LPP: variants seen among roughly 807,000 people sequenced by gnomAD.
LPP encodes the protein LIM domain containing preferred translocation partner in lipoma, also known as lipoma-preferred partner.
In LPP, 38 loss-of-function variants were observed where a neutral mutation model predicts 60.4. The ratio of observed to expected loss-of-function variants is 0.63; its 90% confidence interval spans 0.49 to 0.83. The LOEUF is 0.83. Among genes scored for constraint, LPP ranks in the 40% least tolerant of loss-of-function variants. The probability of loss-of-function intolerance (pLI) is 0.00; values close to 1 mark genes in which losing one functional copy is unlikely to be tolerated. For synonymous variants in LPP, 328 were observed against 290.8 expected (o/e 1.13, Z -1.30); for missense variants, 902 against 783.6 (o/e 1.15, Z -1.80).
chr3:188,790,820 C>CT (rs1743448590), intron 9 of LPP, among the ~76,000 whole-genome samples: 1 of 65,412 alleles, frequency 1.5e-5, no homozygotes, highest in East Asian at 1.4e-3. Context: ...GACTCTGTCT[C>CT]CAAAAAAAAA....
intron 5 of LPP, among the ~76,000 whole-genome samples, chr3:188,507,517 A>C (rs1288060413): frequency 6.6e-6 from 1 of 152,108 alleles, no homozygotes; most frequent in African/African-American, 2.4e-5. Context: ...AAATCACATA[A>C]GTTTCCCGTT....
chr3:188,850,456 C>A lies in LPP; in HGVS notation c.1411-15744C>A, dbSNP rs114132911. 9.1e-3 allele frequency among the ~76,000 whole-genome samples: 1,379 copies of A among 152,116 alleles called. 18 individuals are homozygous for A. The highest frequency in any genetic ancestry group is 0.032 in the African/African-American group (1,312 of 41,496). On this transcript the variant is annotated intron_variant, in intron 9 of 11. Transcript: ENST00000617246. ...GAAATATATTAATATTTAGAAAATT[C>A]TTCCAACATTATTAATATATAGAAA...
chr3:188,265,980 G>A (rs1442773765), intron 2 of LPP, among the ~76,000 whole-genome samples: 1 of 152,018 alleles, frequency 6.6e-6, no homozygotes, highest in African/African-American at 2.4e-5. Flanking sequence ...TGGGGAGTGT[G>A]CATTGCCTGT....
intron 2 of LPP, among the ~76,000 whole-genome samples, chr3:188,252,487 T>C (rs1346249111): frequency 6.6e-6 from 1 of 151,920 alleles, no homozygotes; most frequent in African/African-American, 2.4e-5. Flanking sequence ...GATATATTCT[T>C]AGAAATGGGT....
chr3:188,421,353 A>C (rs946042414), intron 4 of LPP, among the ~76,000 whole-genome samples: 1 of 152,176 alleles, frequency 6.6e-6, no homozygotes, highest in Non-Finnish European at 1.5e-5. Context: ...CATACACAGG[A>C]ATGGAAAGCA....
chr3:188,207,839 T>A (rs150553181), intron 1 of LPP, among the ~76,000 whole-genome samples: 207 of 152,220 alleles, frequency 1.4e-3, no homozygotes, highest in Non-Finnish European at 8.7e-4. Context: ...AGCCCAAAAG[T>A]CTAACCCACC....
chr3:188,257,079 T>C (rs1731915821), intron 2 of LPP, among the ~76,000 whole-genome samples: 1 of 152,214 alleles, frequency 6.6e-6, no homozygotes. Context: ...TGGTGAAGCC[T>C]GATCATGTGA....
At position 188,882,831 on chromosome 3, in the gene LPP, C is replaced by T. The variant is rs1163867753; in HGVS notation, c.*8352C>T. 6.1e-5 allele frequency: 11 copies of T among 181,474 alleles called. No homozygotes were observed. The East Asian group carries it at 9.1e-4, about 15-fold the overall frequency. 11.2% of individuals were successfully genotyped at this position (181,474 alleles called of 1,614,324 possible). ...TCGGCTCACTGCAAGCTCCGCTTCT[C>T]GGGTTCACGCCATTCTCCTGCCTCA... On this transcript the variant is annotated 3_prime_UTR_variant, in exon 12 of 12. Transcript: ENST00000617246.
At chr3:188,471,857 G>C (rs1801928056) in intron 4 of LPP, among the ~76,000 whole-genome samples, 2 of 152,184 alleles carry the variant, frequency 1.3e-5, no homozygotes, top group Admixed American at 1.3e-4. Flanking sequence ...ATCAAGATCT[G>C]GATAAAGGCA....
At chr3:188,718,555 T>C (rs1366713156) in intron 8 of LPP, among the ~76,000 whole-genome samples, 3 of 152,250 alleles carry the variant, frequency 2.0e-5, no homozygotes, top group Non-Finnish European at 4.4e-5. Context: ...TTTATCTCAG[T>C]GTCTTTATCC....
At chr3:188,455,831 G>A (rs1797612158) in intron 4 of LPP, among the ~76,000 whole-genome samples, 1 of 152,096 alleles carries the variant, frequency 6.6e-6, no homozygotes, top group African/African-American at 2.4e-5. Flanking sequence ...AAATGTGGTT[G>A]TAAAACGGTA....
chr3:188,352,723 C>G lies in LPP; in HGVS notation c.-10+11004C>G, dbSNP rs1766279430. Among the ~76,000 whole-genome samples the G allele has an allele frequency of 6.6e-6, 1 of 152,116 alleles. No individual in the cohort carries two copies. The stretch of plus-strand genomic sequence containing the variant: ...TCCAGCTGCATGCACGGCACTGAGC[C>G]CTGCCTGAGTGCGCACTTCAGTCCT... On this transcript the variant is annotated intron_variant, in intron 3 of 11. Transcript: ENST00000617246. This position sits in a 1 kb window ranked among gnomAD's most constrained non-coding sequence, Gnocchi z 4.4.
chr3:188,364,475 T>G (rs1216606267), intron 3 of LPP, among the ~76,000 whole-genome samples: 1 of 152,162 alleles, frequency 6.6e-6, no homozygotes, highest in East Asian at 1.9e-4. Context: ...ATGGGGCTGG[T>G]GACAATTAAT....
chr3:188,241,164 C>A (rs532777068), intron 2 of LPP, among the ~76,000 whole-genome samples: 26 of 152,282 alleles, frequency 1.7e-4, no homozygotes, highest in African/African-American at 5.8e-4. Flanking sequence ...GCCTGACACT[C>A]TAGGAGCAGA....
chr3:188,638,157 T>C (rs1487548145), intron 7 of LPP, among the ~76,000 whole-genome samples: 1 of 128,982 alleles, frequency 7.8e-6, no homozygotes, highest in African/African-American at 2.9e-5. Context: ...ATCAAAAAAC[T>C]TATCCACCAT....
At chr3:188,300,509 A>C (rs893550215) in intron 2 of LPP, among the ~76,000 whole-genome samples, 1 of 126,288 alleles carries the variant, frequency 7.9e-6, no homozygotes, top group Admixed American at 8.7e-5. Context: ...CCAGTTTTTT[A>C]AATAAATTAA....
In LPP at chr3:188,880,042, T is replaced by TC. The variant is rs1042509081; in HGVS notation, c.*5563_*5564insC. The TC allele has an allele frequency of 1.8e-5, 3 of 167,612 alleles. No homozygotes were observed. The highest frequency in any genetic ancestry group is 7.6e-5 in the African/African-American group (3 of 39,254). 10.4% of individuals were successfully genotyped at this position (167,612 alleles called of 1,614,324 possible). A position where few individuals can be genotyped will look rare whatever the true frequency, so the allele number is the denominator to read the frequency against. On this transcript the variant is annotated 3_prime_UTR_variant, in exon 12 of 12. Coordinates refer to ENST00000617246, the MANE Select transcript of LPP (RefSeq NM_001375462.1). ...GTTTTTTTTCTTTTTTTCTTTTTTT[T>TC]TTTTTTGAGACGGAGTCTGGCTCTG...
At chr3:188,752,922 A>C (rs2150342710) in intron 8 of LPP, among the ~76,000 whole-genome samples, 1 of 152,346 alleles carries the variant, frequency 6.6e-6, no homozygotes, top group Non-Finnish European at 1.5e-5. Flanking sequence ...CACCTGTGGT[A>C]GATCATGACT....
chr3:188,523,198 C>T (rs576781774), intron 5 of LPP, among the ~76,000 whole-genome samples: 5 of 152,180 alleles, frequency 3.3e-5, no homozygotes, highest in South Asian at 2.1e-4. Context: ...TGAGCCACCG[C>T]GCCCGTCCTG....
Sources: allele counts gnomAD v4.1 joint callset (sites outside exome capture counted in the v4.1 genomes callset), GRCh38; gene constraint gnomAD v4.1.1; non-coding constraint Gnocchi (gnomAD v3.1); transcripts MANE v1.5; gene names NCBI Gene and HGNC (gene_info 2026-07-23, HGNC 2026-07-21).